FILIP1: variants seen among roughly 807,000 people sequenced by gnomAD.
FILIP1 encodes filamin A interacting protein 1.
A neutral mutation model predicts 102.1 loss-of-function variants in FILIP1; 61 were observed. The ratio of observed to expected loss-of-function variants is 0.60; its 90% CI spans 0.49 to 0.74. The LOEUF (loss-of-function observed/expected upper bound fraction) is 0.74, where lower values mean the gene tolerates loss of function less well. Ranked by LOEUF, FILIP1 falls within the 30% of genes least tolerant of loss-of-function variation. The pLI, the probability that FILIP1 is intolerant of heterozygous loss-of-function variation, is 0.00. For missense variants in FILIP1, 1,314 were observed against 1,441.2 expected (o/e 0.91, Z 1.43); for synonymous variants, 491 against 526.9 (o/e 0.93, Z 0.93).
intron 2 of FILIP1, among the ~76,000 whole-genome samples, chr6:75,378,895 C>T (rs1253647096): frequency 6.6e-6 from 1 of 152,070 alleles, no homozygotes; most frequent in African/African-American, 2.4e-5. Flanking sequence ...AATAAGGGTA[C>T]CAACATAGGT....
At chr6:75,365,870 G>A (rs531043592) in intron 2 of FILIP1, among the ~76,000 whole-genome samples, 1 of 152,230 alleles carries the variant, frequency 6.6e-6, no homozygotes, top group African/African-American at 2.4e-5. Flanking sequence ...TTCATAGAAA[G>A]TTCTGTCTTT....
chr6:75,318,199 G>C (rs1773508111), intron 4 of FILIP1, among the ~76,000 whole-genome samples: 1 of 143,192 alleles, frequency 7.0e-6, no homozygotes, highest in Admixed American at 7.0e-5. Context: ...ACTTCTTATA[G>C]ACTCCTATAA....
chr6:75,483,566 A>G (rs1779705454), intron 1 of FILIP1, among the ~76,000 whole-genome samples: 1 of 152,190 alleles, frequency 6.6e-6, no homozygotes, highest in Admixed American at 6.6e-5. Flanking sequence ...AAACAAAGTC[A>G]TGAGGGGAAA....
At chr6:75,321,533 G>A (rs1039128427) in intron 4 of FILIP1, among the ~76,000 whole-genome samples, 4 of 152,200 alleles carry the variant, frequency 2.6e-5, no homozygotes, top group Admixed American at 1.3e-4. Context: ...GGTGGCTCAC[G>A]CCTGTAATCC....
chr6:75,315,143 G>A lies in FILIP1; in HGVS notation c.689C>T (p.Ala230Val), dbSNP rs952377712. ...AYQARKEKEN[A>V]KRLNKLRDEL... is the part of the protein sequence containing the mutation. ...ATCTCTTAGTTTATTGAGTCGTTTAGCATTTTCCTTTTCTTTGCGGGCTTG... is the reference window on the plus strand; with the variant it reads ...ATCTCTTAGTTTATTGAGTCGTTTAACATTTTCCTTTTCTTTGCGGGCTTG... Residue 230 changes from alanine to valine, a missense_variant, in exon 5 of 6, where the codon GCT becomes GTT. Transcript: ENST00000237172. 8 of 1,593,646 alleles carry A rather than the reference G, an allele frequency of 5.0e-6. No homozygotes were observed. The African/African-American group carries it at 1.1e-4, about 22-fold the overall frequency.
At chr6:75,447,512 G>A (rs1778477997) in intron 1 of FILIP1, among the ~76,000 whole-genome samples, 2 of 152,040 alleles carry the variant, frequency 1.3e-5, no homozygotes, top group Non-Finnish European at 2.9e-5. Context: ...CTTCATCCAT[G>A]GATTTGTAGA....
At chr6:75,362,967 T>C (rs1775220048) in intron 2 of FILIP1, 50 bp from the exon 3 acceptor site, 1 of 1,569,932 alleles carries the variant, frequency 6.4e-7, no homozygotes, top group Non-Finnish European at 8.7e-7. Context: ...GTAAATCGCA[T>C]ACTGGGCTCA....
At chr6:75,359,315 A>G (rs764651048) in intron 3 of FILIP1, among the ~76,000 whole-genome samples, 3 of 152,130 alleles carry the variant, frequency 2.0e-5, no homozygotes, top group African/African-American at 2.4e-5. Flanking sequence ...GATATTGCCA[A>G]TATCACTGGG....
intron 2 of FILIP1, among the ~76,000 whole-genome samples, chr6:75,372,675 A>AAGAAAGAAAGAAAG (rs1775577452): frequency 1.7e-5 from 1 of 60,412 alleles, no homozygotes; most frequent in Non-Finnish European, 3.2e-5. Flanking sequence ...GAAAGAAAGA[A>AAGAAAGAAAGAAAG]AGAAAGAAAG....
chr6:75,485,381 G>C (rs1367386076), intron 1 of FILIP1, among the ~76,000 whole-genome samples: 1 of 152,148 alleles, frequency 6.6e-6, no homozygotes, highest in Non-Finnish European at 1.5e-5. Context: ...TGGGGAGTTG[G>C]GGTGTGCTAG....
chr6:75,370,035 T>C (rs936771265), intron 2 of FILIP1, among the ~76,000 whole-genome samples: 2 of 152,242 alleles, frequency 1.3e-5, no homozygotes, highest in Non-Finnish European at 2.9e-5. Flanking sequence ...TAGATCCATT[T>C]TGAGGAAAGG....
rs1260686423 is a variant in FILIP1, at chr6:75,465,429, A to G, written c.-7+27985T>C. 8.0e-6 allele frequency: 6 copies of G among 753,352 alleles called. No homozygotes were observed. The Admixed American group carries it at 9.6e-5, about 12-fold the overall frequency. 46.7% of individuals were successfully genotyped at this position (753,352 alleles called of 1,614,324 possible). A position where few individuals can be genotyped will look rare whatever the true frequency, so the allele number is the denominator to read the frequency against. ...CTAGCTCCAATGAAGTGGTGGACCCATTTCACTGACCCATATCAATGCTAG... is the reference window on the plus strand; with the variant it reads ...CTAGCTCCAATGAAGTGGTGGACCCGTTTCACTGACCCATATCAATGCTAG... On this transcript the variant is annotated intron_variant, in intron 1 of 5. Transcript: ENST00000237172.
chr6:75,473,648 A>G (rs1326024507), intron 1 of FILIP1: 1 of 152,248 alleles, frequency 6.6e-6, no homozygotes, highest in Non-Finnish European at 1.5e-5. Flanking sequence ...TACGCTAACT[A>G]AGAAATGTTT....
chr6:75,425,409 G>A (rs1231069449), intron 1 of FILIP1, among the ~76,000 whole-genome samples: 1 of 152,156 alleles, frequency 6.6e-6, no homozygotes, highest in African/African-American at 2.4e-5. Flanking sequence ...TGGGCAGGAA[G>A]TATATAAGAA....
At position 75,312,929 on chromosome 6, in the gene FILIP1, C is replaced by A. The variant is rs753081715; in HGVS notation, c.2903G>T (p.Gly968Val). 1 of 1,613,928 alleles carries A rather than the reference C, an allele frequency of 6.2e-7. No homozygotes were observed. The highest frequency in any genetic ancestry group is 8.5e-7 in the Non-Finnish European group (1 of 1,180,004). ...TCGTTCTGGGCCAAGAGTAGTATCT[C>A]CACTTTTTTGTTTTTGAGGCATAAC... The part of the protein sequence containing the change: ...PNVMPQKQKS[G>V]DTTLGPERAM... Residue 968 changes from glycine to valine, a missense_variant, in exon 5 of 6, where the codon GGA becomes GTA. Physicochemically the swap from Gly to Val is moderately radical, Grantham distance 109. Coordinates refer to ENST00000237172, the MANE Select transcript of FILIP1 (RefSeq NM_015687.5).
intron 6 of FILIP1, among the ~76,000 whole-genome samples, chr6:75,296,315 A>G (rs1288870425): frequency 6.7e-6 from 1 of 148,680 alleles, no homozygotes; most frequent in Non-Finnish European, 1.5e-5. Context: ...TCTGGTCTGA[A>G]CAATATTTAC....
Position 75,486,560 on chromosome 6 carries a change from G to A in FILIP1, c.-7+6854C>T, listed in dbSNP as rs547766855. Among the ~76,000 whole-genome samples, 89 of 152,228 alleles carry A rather than the reference G, an allele frequency of 5.8e-4. 2 individuals are homozygous for A. In the South Asian group the frequency reaches 0.013, roughly 22 times the overall value. Reference sequence around the variant, plus strand: ...AAAACATCTCATAGTCATCTAGGTGGAGGTGTTCCATAAACAACTGCCTGA... The same window carrying A: ...AAAACATCTCATAGTCATCTAGGTGAAGGTGTTCCATAAACAACTGCCTGA... On this transcript the variant is annotated intron_variant, in intron 1 of 5. Transcript: ENST00000237172.
At chr6:75,301,579 G>A (rs1429813203) in intron 6 of FILIP1, among the ~76,000 whole-genome samples, 2 of 152,120 alleles carry the variant, frequency 1.3e-5, no homozygotes, top group Non-Finnish European at 2.9e-5. Flanking sequence ...AAGTAGAGAG[G>A]CCAAAAGTAC....
intron 2 of FILIP1, among the ~76,000 whole-genome samples, chr6:75,367,183 G>A (rs1775366629): frequency 6.6e-6 from 1 of 151,874 alleles, no homozygotes; most frequent in African/African-American, 2.4e-5. Context: ...TGTATTAATT[G>A]TGATATGCTA....
Sources: allele counts gnomAD v4.1 joint callset (sites outside exome capture counted in the v4.1 genomes callset), GRCh38; gene constraint gnomAD v4.1.1; transcripts MANE v1.5; gene names NCBI Gene and HGNC (gene_info 2026-07-23, HGNC 2026-07-21).